Variants in NFIB observed in about 807,000 individuals in gnomAD.
The protein encoded by NFIB is nuclear factor 1 B-type.
In NFIB, 11 loss-of-function variants were observed where a neutral mutation model predicts 61.5. The observed-to-expected ratio is 0.18, with a 90% CI of 0.11 to 0.30. NFIB has a LOEUF of 0.30. NFIB is among the 10% of genes least tolerant of loss of function. NFIB has a pLI of 1.00. For missense variants in NFIB, 471 were observed against 608.9 expected, an observed-to-expected ratio of 0.77 and a Z score of 2.38; for synonymous variants, 260 against 216.5, an observed-to-expected ratio of 1.20 and a Z score of -1.76.
Position 14,275,612 on chromosome 9 carries a change from G to C in NFIB, c.562+31377C>G, listed in dbSNP as rs539886825. ...ATCACACCCAGGGGCTTATATCCTT[G>C]GCATCTTAATTTCCTAGTTGTGAGT... is the stretch of plus-strand genomic sequence containing the variant. On this transcript the variant is annotated intron_variant, in intron 2 of 10. Coordinates refer to ENST00000380953, the MANE Select transcript of NFIB (RefSeq NM_001190737.2). 9.9e-5 allele frequency among the ~76,000 whole-genome samples: 15 copies of C among 152,084 alleles called. No individual in the cohort carries two copies. The East Asian group carries it at 2.7e-3, about 27-fold the overall frequency.
chr9:14,441,678 T>C, the NFIB span, among the ~76,000 whole-genome samples: 1 of 151,940 alleles, frequency 6.6e-6, no homozygotes, highest in Non-Finnish European at 1.5e-5. Context: ...GGGGTCAAGA[T>C]GGGCTTGACC....
the NFIB span, among the ~76,000 whole-genome samples, chr9:14,440,969 C>T: frequency 1.3e-5 from 2 of 152,002 alleles, no homozygotes; most frequent in Non-Finnish European, 2.9e-5. Context: ...TTACTATTAT[C>T]ATCATTATGA....
chr9:14,146,489 C>T (rs539577889), intron 6 of NFIB, among the ~76,000 whole-genome samples, 200 bp downstream of exon 6: 9 of 152,070 alleles, frequency 5.9e-5, no homozygotes, highest in African/African-American at 1.7e-4. Flanking sequence ...TCCAACGAAA[C>T]ATGTAAAAAT....
the NFIB span, among the ~76,000 whole-genome samples, chr9:14,517,733 T>C: frequency 1.3e-5 from 2 of 152,160 alleles, no homozygotes. Context: ...GCTCTTGGTG[T>C]GGATTTTTTT....
intron 1 of NFIB, among the ~76,000 whole-genome samples, chr9:14,397,994 A>G (rs955735160): frequency 7.9e-5 from 12 of 152,272 alleles, no homozygotes; most frequent in Middle Eastern, 6.8e-3. Flanking sequence ...TTTAGTGCCC[A>G]CTATGCTCCA....
intron 2 of NFIB, among the ~76,000 whole-genome samples, chr9:14,303,467 G>A (rs776872860): frequency 2.6e-5 from 4 of 152,162 alleles, no homozygotes; most frequent in Non-Finnish European, 4.4e-5. Flanking sequence ...ATCATTGGAC[G>A]TCTTTAATAT....
chr9:14,347,587 AG>A (rs2061043484), intron 1 of NFIB, among the ~76,000 whole-genome samples: 1 of 148,986 alleles, frequency 6.7e-6, no homozygotes, highest in South Asian at 2.2e-4. Flanking sequence ...CGATTGGGAG[AG>A]GGGAGAAGGG....
At chr9:14,501,594 T>C in the NFIB span, among the ~76,000 whole-genome samples, 1 of 152,218 alleles carries the variant, frequency 6.6e-6, no homozygotes, top group Non-Finnish European at 1.5e-5. Flanking sequence ...CAATAGGATA[T>C]TTCTTTGTTT....
chr9:14,176,141 G>A (rs1215506753), intron 3 of NFIB, among the ~76,000 whole-genome samples: 2 of 151,752 alleles, frequency 1.3e-5, no homozygotes, highest in African/African-American at 2.4e-5. Context: ...GGTAAAAAGA[G>A]ATTCATGTCT....
At chr9:14,215,283 A>T (rs1466821594) in intron 2 of NFIB, among the ~76,000 whole-genome samples, 1 of 150,602 alleles carries the variant, frequency 6.6e-6, no homozygotes, top group African/African-American at 2.5e-5. Context: ...TACTCAGAAC[A>T]ATAAACTTGA....
intron 2 of NFIB, among the ~76,000 whole-genome samples, chr9:14,276,006 C>T (rs901323976): frequency 2.0e-5 from 3 of 151,994 alleles, no homozygotes; most frequent in Middle Eastern, 6.8e-3. Context: ...ATATGGATAG[C>T]TTGACAAATT....
intron 1 of NFIB, among the ~76,000 whole-genome samples, chr9:14,320,287 C>T (rs145407685): frequency 1.3e-5 from 2 of 152,114 alleles, no homozygotes; most frequent in East Asian, 3.9e-4. Flanking sequence ...AAACGTTTTC[C>T]CAGTGCACAA....
the NFIB span, among the ~76,000 whole-genome samples, chr9:14,430,256 T>C: frequency 3.3e-5 from 5 of 152,144 alleles, no homozygotes; most frequent in African/African-American, 1.2e-4. Flanking sequence ...GAACAAACTC[T>C]AGTAGATCAC....
intron 2 of NFIB, among the ~76,000 whole-genome samples, chr9:14,289,124 A>G (rs1180830499): frequency 7.2e-6 from 1 of 138,302 alleles, no homozygotes; most frequent in African/African-American, 2.7e-5. Context: ...GTGTATATGT[A>G]TATATATATA....
the NFIB span, among the ~76,000 whole-genome samples, chr9:14,455,068 T>G: frequency 6.6e-6 from 1 of 152,218 alleles, no homozygotes; most frequent in African/African-American, 2.4e-5. Flanking sequence ...TGCTGCTTAA[T>G]TTGACTGATA....
intron 2 of NFIB, among the ~76,000 whole-genome samples, chr9:14,239,832 C>T (rs1230921444): frequency 2.0e-5 from 3 of 152,002 alleles, no homozygotes; most frequent in Non-Finnish European, 4.4e-5. Flanking sequence ...GTGAAAGATA[C>T]CCTCCAGAGG....
At chr9:14,438,408 G>C in the NFIB span, among the ~76,000 whole-genome samples, 3 of 152,132 alleles carry the variant, frequency 2.0e-5, no homozygotes, top group African/African-American at 4.8e-5. Context: ...AAACACCAGA[G>C]AACAACGCAT....
the NFIB span, among the ~76,000 whole-genome samples, chr9:14,446,319 C>T: frequency 6.6e-6 from 1 of 152,232 alleles, no homozygotes; most frequent in Non-Finnish European, 1.5e-5. Flanking sequence ...ATTATCTCTT[C>T]AGATACTGTC....
chr9:14,375,119 A>G (rs944143355), intron 1 of NFIB, among the ~76,000 whole-genome samples: 1 of 152,166 alleles, frequency 6.6e-6, no homozygotes, highest in Non-Finnish European at 1.5e-5. Context: ...TCAATGTCTT[A>G]AACATCCAAG....
Sources: gnomAD v4.1 joint callset for allele counts (sites outside exome capture counted in the v4.1 genomes callset) on GRCh38, gnomAD v4.1.1 for gene constraint, MANE v1.5 for transcripts, NCBI Gene and HGNC (gene_info 2026-07-23, HGNC 2026-07-21) for gene names.